Variants in CDK2AP1 observed in about 807,000 individuals in gnomAD.
CDK2AP1 encodes cyclin dependent kinase 2 associated protein 1.
In CDK2AP1, 10 loss-of-function variants were observed where a neutral mutation model predicts 14.1. The observed-to-expected ratio is 0.71, with a 90% CI of 0.44 to 1.20. CDK2AP1 has a LOEUF of 1.20. CDK2AP1 is among the 50% of genes most tolerant of loss of function. CDK2AP1 has a pLI of 0.00. For missense variants in CDK2AP1, 102 were observed against 149.9 expected (o/e 0.68, Z 1.67); for synonymous variants, 59 against 59.8 (o/e 0.99, Z 0.06).
In CDK2AP1 at chr12:123,267,240, G is replaced by C; in HGVS notation, c.98C>G (p.Ser33Ter). ...HSPSTSMATSSQYRQLLSDYG... is the reference protein window; with the variant it reads ...HSPSTSMATS ...GTCACTGAGCAGCTGGCGGTACTGT[G>C]AAGACGTTGCCATGCTGGTGGAAGG... is the stretch of plus-strand genomic sequence containing the variant. The change falls in exon 2 of 4, where the codon TCA becomes TGA. Residue 33 changes from serine to a stop codon, truncating the protein, a stop_gained. Coordinates refer to ENST00000261692, the MANE Select transcript of CDK2AP1 (RefSeq NM_004642.4). LOFTEE classifies it high-confidence loss of function. 1 of 1,613,568 alleles carries C rather than the reference G, an allele frequency of 6.2e-7. No homozygotes were observed. Among genetic ancestry groups the C allele is most frequent in the Non-Finnish European group, 8.5e-7 (1 of 1,179,662 alleles).
At chr12:123,271,424 C>T in intron 1 of CDK2AP1, 140 bp downstream of exon 1, 1 of 271,520 alleles carries the variant, frequency 3.7e-6, no homozygotes, top group Non-Finnish European at 5.6e-6. Context: ...ATCATGGCGG[C>T]GGCAGCGCTG....
chr12:123,268,779 C>T (rs1420101512), intron 1 of CDK2AP1, among the ~76,000 whole-genome samples: 1 of 152,192 alleles, frequency 6.6e-6, no homozygotes, highest in Non-Finnish European at 1.5e-5. Context: ...ACGTCCATGG[C>T]CACTGCAGGA....
At chr12:123,268,823 A>T (rs747937072) in intron 1 of CDK2AP1, among the ~76,000 whole-genome samples, 9 of 152,200 alleles carry the variant, frequency 5.9e-5, no homozygotes, top group Non-Finnish European at 1.2e-4. Context: ...GAGCCCCCTA[A>T]CTACATCAGC....
At chr12:123,271,047 C>T in intron 1 of CDK2AP1, 1 of 947,096 alleles carries the variant, frequency 1.1e-6, no homozygotes, top group Non-Finnish European at 1.3e-6. Flanking sequence ...GGCAGCCCCG[C>T]AGCCCCGCAG....
rs1465843573 is a variant in CDK2AP1, at chr12:123,261,629, CG to C, written c.*106del. ...GCCAAGTGAACCATGGGAGGAAAAA[CG>C]AAACTGTAACCATTTTGAAAACAAG... On this transcript the variant is annotated 3_prime_UTR_variant, in exon 4 of 4. Coordinates refer to ENST00000261692, the MANE Select transcript of CDK2AP1 (RefSeq NM_004642.4). 1.1e-6 allele frequency: 1 copy of C among 923,580 alleles called. No individual in the cohort carries two copies. The highest frequency in any genetic ancestry group is 1.7e-6 in the Non-Finnish European group (1 of 577,722). The allele number at this position is 923,580 out of a possible 1,614,324, so 57.2% of individuals were successfully genotyped here. A position where few individuals can be genotyped will look rare whatever the true frequency, so the allele number is the denominator to read the frequency against.
At chr12:123,267,547 G>C (rs2048309827) in intron 1 of CDK2AP1, 1 of 415,372 alleles carries the variant, frequency 2.4e-6, no homozygotes, top group Non-Finnish European at 4.5e-6. Context: ...CCAAGCAGCA[G>C]GGCTGCTCCC....
Position 123,265,290 on chromosome 12 carries a change from T to A in CDK2AP1, c.186A>T (p.Lys62Asn). 2 of 1,614,136 alleles carry A rather than the reference T, an allele frequency of 1.2e-6. No individual in the cohort carries two copies. Among genetic ancestry groups the A allele is most frequent in the Non-Finnish European group, 1.7e-6 (2 of 1,180,030 alleles). The change falls in exon 3 of 4, where the codon AAA (lysine) becomes AAT (asparagine). Residue 62 changes from lysine to asparagine, a missense_variant. Lys to Asn is a moderately conservative substitution (Grantham distance 94, BLOSUM62 0). Around this residue, in one of 2 missense-constraint regions of CDK2AP1, gnomAD observed 52 missense variants for 107.2 expected, o/e 0.48. Transcript: ENST00000261692. This position sits in a 1 kb window ranked among gnomAD's most constrained non-coding sequence, Gnocchi z 5.3. ...CAATGATGGCCAGCAGCTCCGCGTA[T>A]TTGCTTTGGGGCACCTGGCTGTTCC... The part of the protein sequence containing the change: ...GTGNSQVPQS[K>N]YAELLAIIEE...
chr12:123,262,972 C>T (rs562144325), intron 3 of CDK2AP1, among the ~76,000 whole-genome samples: 4 of 151,856 alleles, frequency 2.6e-5, no homozygotes, highest in South Asian at 4.2e-4. Context: ...CCAGCACTTT[C>T]GGAGGCCGGG....
intron 2 of CDK2AP1, among the ~76,000 whole-genome samples, chr12:123,266,708 C>T (rs1451929746): frequency 3.9e-5 from 6 of 152,190 alleles, no homozygotes; most frequent in Non-Finnish European, 8.8e-5. Context: ...CAGGGAGCGG[C>T]CTCGCCCAGG....
chr12:123,270,964 T>G lies in CDK2AP1; in HGVS notation c.55+600A>C, dbSNP rs150002761. Reference sequence around the variant, plus strand: ...CGGCCGAGGCCCCCGGGCCTCCGAGTACGCTGCCCGCCGGCGACCCCATCC... The same window carrying G: ...CGGCCGAGGCCCCCGGGCCTCCGAGGACGCTGCCCGCCGGCGACCCCATCC... On this transcript the variant is annotated intron_variant, in intron 1 of 3. Coordinates refer to ENST00000261692, the MANE Select transcript of CDK2AP1 (RefSeq NM_004642.4). 1,750 of 983,884 alleles carry G rather than the reference T, an allele frequency of 1.8e-3. 86 individuals are homozygous for G. The East Asian group carries it at 0.12, about 70-fold the overall frequency. 60.9% of individuals were successfully genotyped at this position (983,884 alleles called of 1,614,324 possible). A position where few individuals can be genotyped will look rare whatever the true frequency, so the allele number is the denominator to read the frequency against.
At chr12:123,267,321 C>G (rs747488711) in intron 1 of CDK2AP1, 39 bp from the exon 2 acceptor site, 1 of 1,296,074 alleles carries the variant, frequency 7.7e-7, no homozygotes, top group East Asian at 2.3e-5. Flanking sequence ...GTCAGCTCAG[C>G]CAGTTGTACC....
chr12:123,263,675 C>T lies in CDK2AP1; in HGVS notation c.280+1521G>A, dbSNP rs149948115. Among the ~76,000 whole-genome samples, 97 of 152,336 alleles carry T rather than the reference C, an allele frequency of 6.4e-4. 1 individual carries two copies. In the South Asian group the frequency reaches 9.1e-3, roughly 14 times the overall value. On this transcript the variant is annotated intron_variant, in intron 3 of 3. Coordinates refer to ENST00000261692, the MANE Select transcript of CDK2AP1 (RefSeq NM_004642.4). ...CCAACCTAGCTTTGAGACCCGTCAACCTCTTCACAAAGGTTTCATAAACTC... is the reference window on the plus strand; with the variant it reads ...CCAACCTAGCTTTGAGACCCGTCAATCTCTTCACAAAGGTTTCATAAACTC...
chr12:123,265,164 G>A lies in CDK2AP1; in HGVS notation c.280+32C>T. 2 of 1,613,568 alleles carry A rather than the reference G, an allele frequency of 1.2e-6. No individual in the cohort carries two copies. The highest frequency in any genetic ancestry group is 2.2e-5 in the South Asian group (2 of 91,058). On this transcript the variant is annotated intron_variant, in intron 3 of 3. Transcript: ENST00000261692. The surrounding 1 kb of genome is among the most constrained non-coding windows in gnomAD (Gnocchi z 5.3). Reference sequence around the variant, plus strand: ...TCCAGAGTTAAAGGTCTAGCACTGTGGTCACCGACAGGGCAGCGGGGCCGG... The same window carrying A: ...TCCAGAGTTAAAGGTCTAGCACTGTAGTCACCGACAGGGCAGCGGGGCCGG...
Position 123,261,669 on chromosome 12 carries a change from CA to C in CDK2AP1, c.*66del. 7.7e-7 allele frequency: 1 copy of C among 1,307,144 alleles called. No individual in the cohort carries two copies. The highest frequency in any genetic ancestry group is 1.2e-5 in the South Asian group (1 of 84,824). 81.0% of individuals were successfully genotyped at this position (1,307,144 alleles called of 1,614,324 possible). A position where few individuals can be genotyped will look rare whatever the true frequency, so the allele number is the denominator to read the frequency against. On this transcript the variant is annotated 3_prime_UTR_variant, in exon 4 of 4. Transcript: ENST00000261692. ...TTTGAAAACAAGGGTTTCATCTGAA[CA>C]GGGGAGATGAACTGTAACTTCTCAT...
At position 123,267,130 on chromosome 12, in the gene CDK2AP1, G is replaced by A. The variant is rs1267465141; in HGVS notation, c.153+55C>T. 5.9e-6 allele frequency: 6 copies of A among 1,016,470 alleles called. No homozygotes were observed. The East Asian group carries it at 1.2e-4, about 20-fold the overall frequency. 63.0% of individuals were successfully genotyped at this position (1,016,470 alleles called of 1,614,324 possible). On this transcript the variant is annotated intron_variant, in intron 2 of 3. Transcript: ENST00000261692. Reference sequence around the variant, plus strand: ...CCACCAACTTCTCTCCTCTGATGGTGGGAAGCATGTCTCCCCCTGGCCCTC... The same window carrying A: ...CCACCAACTTCTCTCCTCTGATGGTAGGAAGCATGTCTCCCCCTGGCCCTC...
chr12:123,270,208 C>T, intron 1 of CDK2AP1: 3 of 984,076 alleles, frequency 3.0e-6, no homozygotes, highest in Non-Finnish European at 3.6e-6. Context: ...GTAAGGTCTG[C>T]GGACCCCAGA....
intron 2 of CDK2AP1, among the ~76,000 whole-genome samples, chr12:123,266,355 C>T (rs1414271592): frequency 6.6e-6 from 1 of 152,278 alleles, no homozygotes. Context: ...GCCACCGCTT[C>T]TTCAGCCGGT....
At chr12:123,267,741 G>C (rs899096573) in intron 1 of CDK2AP1, 1 of 162,886 alleles carries the variant, frequency 6.1e-6, no homozygotes, top group African/African-American at 2.4e-5. Context: ...TGTGCTCAAT[G>C]ACAGGGAAGA....
intron 1 of CDK2AP1, chr12:123,268,159 G>A (rs2048316628): frequency 1.0e-6 from 1 of 979,978 alleles, no homozygotes; most frequent in Admixed American, 6.1e-5. Flanking sequence ...GGTAACCATG[G>A]AGAATTTACC....
Sources: allele counts gnomAD v4.1 joint callset (sites outside exome capture counted in the v4.1 genomes callset), GRCh38; gene constraint gnomAD v4.1.1; regional missense constraint gnomAD v4.1.1; non-coding constraint Gnocchi (gnomAD v3.1); transcripts MANE v1.5; gene names NCBI Gene and HGNC (gene_info 2026-07-23, HGNC 2026-07-21).